Variants in GSTCD observed in about 807,000 individuals in gnomAD.
GSTCD encodes glutathione S-transferase C-terminal domain-containing protein.
GSTCD carries 44 observed loss-of-function variants against 68.3 expected under a neutral mutation model. The ratio of observed to expected loss-of-function variants is 0.64; its 90% CI spans 0.51 to 0.83. GSTCD has a LOEUF of 0.83. Ranked by LOEUF, GSTCD falls within the 40% of genes least tolerant of loss-of-function variation. The pLI is 0.00. For synonymous variants in GSTCD, 273 were observed against 255.2 expected (o/e 1.07, Z -0.67); for missense variants, 739 against 735.9 (o/e 1.00, Z -0.05).
At chr4:105,729,311 C>A in intron 4 of GSTCD, 95 bp from the exon 5 acceptor site, 1 of 598,896 alleles carries the variant, frequency 1.7e-6, no homozygotes, top group Non-Finnish European at 2.8e-6. Context: ...TTATCCTCCT[C>A]CTTACCAATA....
intron 5 of GSTCD, among the ~76,000 whole-genome samples, chr4:105,775,602 C>A (rs1735025390): frequency 6.6e-6 from 1 of 152,174 alleles, no homozygotes; most frequent in Admixed American, 6.5e-5. Context: ...AACACTCAGT[C>A]CCGTCTGCTG....
chr4:105,736,676 A>T (rs1396162273), intron 5 of GSTCD, among the ~76,000 whole-genome samples: 1 of 152,138 alleles, frequency 6.6e-6, no homozygotes, highest in Non-Finnish European at 1.5e-5. Flanking sequence ...GTGCTGTAGA[A>T]CCCAGGAACA....
chr4:105,749,228 CTTA>C (rs1263005932), intron 5 of GSTCD, among the ~76,000 whole-genome samples: 16 of 151,844 alleles, frequency 1.1e-4, no homozygotes, highest in East Asian at 3.9e-4. Flanking sequence ...TAATAATACA[CTTA>C]TTATTTAAAT....
intron 5 of GSTCD, among the ~76,000 whole-genome samples, chr4:105,777,942 A>G (rs1383506137): frequency 6.6e-6 from 1 of 152,174 alleles, no homozygotes; most frequent in Non-Finnish European, 1.5e-5. Context: ...TGGATGTAGC[A>G]AGTGTTTAAT....
At chr4:105,834,914 G>A (rs1724052369) in intron 9 of GSTCD, among the ~76,000 whole-genome samples, 1 of 152,176 alleles carries the variant, frequency 6.6e-6, no homozygotes, top group Non-Finnish European at 1.5e-5. Flanking sequence ...GTCTATGAGA[G>A]GCAGTCAAGT....
At chr4:105,841,123 G>C (rs1724317969) in intron 10 of GSTCD, among the ~76,000 whole-genome samples, 1 of 152,060 alleles carries the variant, frequency 6.6e-6, no homozygotes, top group Non-Finnish European at 1.5e-5. Flanking sequence ...AAACCAGCCT[G>C]GCCAACATGG....
intron 5 of GSTCD, among the ~76,000 whole-genome samples, chr4:105,733,887 G>T (rs868227256): frequency 1.4e-4 from 22 of 152,282 alleles, no homozygotes; most frequent in African/African-American, 4.3e-4. Flanking sequence ...GCCTGGTGGT[G>T]ACAAAATCTC....
intron 5 of GSTCD, among the ~76,000 whole-genome samples, chr4:105,757,183 A>T (rs1430659762): frequency 1.3e-5 from 2 of 152,128 alleles, no homozygotes; most frequent in Non-Finnish European, 2.9e-5. Context: ...GTTTAAGGTG[A>T]TTATCTTAGA....
intron 8 of GSTCD, among the ~76,000 whole-genome samples, chr4:105,832,355 C>T (rs771564276): frequency 5.3e-5 from 8 of 151,952 alleles, no homozygotes; most frequent in South Asian, 2.1e-4. Flanking sequence ...AAAACCTTTT[C>T]GACCAAAAAC....
intron 3 of GSTCD, among the ~76,000 whole-genome samples, chr4:105,724,326 A>T (rs1036017878): frequency 1.3e-5 from 2 of 151,854 alleles, no homozygotes; most frequent in South Asian, 4.1e-4. Flanking sequence ...AAACAAAAAT[A>T]TATGAGTTTG....
chr4:105,755,259 AG>A (rs1734146953), intron 5 of GSTCD, among the ~76,000 whole-genome samples: 1 of 151,112 alleles, frequency 6.6e-6, no homozygotes, highest in East Asian at 2.0e-4. Context: ...GAAGGTAGAA[AG>A]GTAGGAAGGA....
chr4:105,738,697 T>C (rs918790327), intron 5 of GSTCD, among the ~76,000 whole-genome samples: 4 of 152,200 alleles, frequency 2.6e-5, no homozygotes, highest in Non-Finnish European at 5.9e-5. Flanking sequence ...TCCTGCAGTT[T>C]GGCTGAAATT....
chr4:105,833,632 G>A (rs1723989763), intron 8 of GSTCD, among the ~76,000 whole-genome samples: 1 of 152,112 alleles, frequency 6.6e-6, no homozygotes, highest in African/African-American at 2.4e-5. Context: ...TCAAAATCCA[G>A]TACAGGTTAT....
chr4:105,725,398 T>C (rs1732998200), intron 3 of GSTCD, among the ~76,000 whole-genome samples: 1 of 152,158 alleles, frequency 6.6e-6, no homozygotes, highest in African/African-American at 2.4e-5. Context: ...TTTACCTTTG[T>C]AAGGAACTAC....
At chr4:105,732,083 G>T (rs947357203) in intron 5 of GSTCD, among the ~76,000 whole-genome samples, 2 of 152,250 alleles carry the variant, frequency 1.3e-5, no homozygotes, top group African/African-American at 4.8e-5. Flanking sequence ...TGTGCTGCTG[G>T]ATTCGGGTTG....
chr4:105,756,588 A>G lies in GSTCD; in HGVS notation c.1240+27089A>G, dbSNP rs867051800. Among the ~76,000 whole-genome samples, 1,383 of 149,950 alleles carry G rather than the reference A, an allele frequency of 9.2e-3. 19 individuals carry two copies. The highest frequency in any genetic ancestry group is 0.024 in the African/African-American group (971 of 40,640). ...TATGTGTGTGTGTGTGTGTATATAT[A>G]TATATATATATATAATATGTCTTAT... On this transcript the variant is annotated intron_variant, in intron 5 of 11. Transcript: ENST00000515279.
At chr4:105,755,986 C>T (rs6858710) in intron 5 of GSTCD, among the ~76,000 whole-genome samples, 1,563 of 152,268 alleles carry the variant, frequency 0.01, 47 homozygotes, top group African/African-American at 0.036. Context: ...TGACACCCTC[C>T]TAAGGTTCAA....
chr4:105,728,931 T>A (rs1190402618), intron 4 of GSTCD, among the ~76,000 whole-genome samples: 2 of 152,198 alleles, frequency 1.3e-5, no homozygotes, highest in Non-Finnish European at 2.9e-5. Flanking sequence ...TAAAGGCACT[T>A]ATAAAAGACT....
chr4:105,742,139 C>T (rs1460590367), intron 5 of GSTCD, among the ~76,000 whole-genome samples: 1 of 152,028 alleles, frequency 6.6e-6, no homozygotes, highest in South Asian at 2.1e-4. Context: ...ATTATAATAA[C>T]CATTCTTTTT....
Sources: allele counts gnomAD v4.1 joint callset (sites outside exome capture counted in the v4.1 genomes callset), GRCh38; gene constraint gnomAD v4.1.1; transcripts MANE v1.5; gene names NCBI Gene and HGNC (gene_info 2026-07-23, HGNC 2026-07-21).